Variants in FRMD4A observed in about 807,000 individuals in gnomAD.
The protein encoded by FRMD4A is FERM domain containing 4A, also known as FERM domain-containing protein 4A.
FRMD4A carries 29 observed loss-of-function variants against 129.1 expected under a neutral mutation model. The observed-to-expected ratio is 0.22, with a 90% CI of 0.17 to 0.31. FRMD4A has a LOEUF of 0.31. Among genes scored for constraint, FRMD4A ranks in the 10% least tolerant of loss-of-function variants. The pLI is 1.00. For missense variants in FRMD4A, 1,272 were observed against 1,375.8 expected (o/e 0.92, Z 1.19); for synonymous variants, 634 against 571.6 (o/e 1.11, Z -1.56).
At chr10:13,870,347 C>G (rs1046394526) in intron 2 of FRMD4A, among the ~76,000 whole-genome samples, 1 of 152,230 alleles carries the variant, frequency 6.6e-6, no homozygotes, top group Admixed American at 6.5e-5. Context: ...TTCAAATACT[C>G]TCCTTCCCAT....
chr10:13,865,460 T>TTTATTTTATG (rs2094354647), intron 2 of FRMD4A, among the ~76,000 whole-genome samples: 2 of 146,822 alleles, frequency 1.4e-5, no homozygotes, highest in Non-Finnish European at 3.0e-5. Flanking sequence ...TTTATTTTAT[T>TTTATTTTATG]TATTTTTATA....
chr10:14,191,798 T>TC (rs1842324702), intron 2 of FRMD4A, among the ~76,000 whole-genome samples: 1 of 112,264 alleles, frequency 8.9e-6, no homozygotes, highest in African/African-American at 2.8e-5. Flanking sequence ...CTGGCTGTTT[T>TC]TTTTTTTTCT....
chr10:14,130,095 T>A (rs1415963979), intron 2 of FRMD4A, among the ~76,000 whole-genome samples: 1 of 152,210 alleles, frequency 6.6e-6, no homozygotes, highest in Non-Finnish European at 1.5e-5. Flanking sequence ...CCCAGCCTCC[T>A]GAGTCCCTGG....
intron 2 of FRMD4A, among the ~76,000 whole-genome samples, chr10:14,113,103 C>T (rs569840349): frequency 6.6e-6 from 1 of 152,218 alleles, no homozygotes; most frequent in East Asian, 1.9e-4. Context: ...CTCAAAGAAT[C>T]CTGCCTGGTG....
At position 13,940,201 on chromosome 10, in the gene FRMD4A, C is replaced by T. The variant is rs970661297; in HGVS notation, c.46-81289G>A. 4.6e-5 allele frequency among the ~76,000 whole-genome samples: 7 copies of T among 152,124 alleles called. No individual in the cohort carries two copies. The South Asian group carries it at 1.5e-3, about 32-fold the overall frequency. ...CTTCCTTGGGGGTCTGACAATGCTT[C>T]ACTCAGAGCAGCGTCAACTGAGGCC... On this transcript the variant is annotated intron_variant, in intron 2 of 24. Coordinates refer to ENST00000357447, the MANE Select transcript of FRMD4A (RefSeq NM_018027.5).
chr10:14,093,368 T>C (rs1836764588), intron 2 of FRMD4A, among the ~76,000 whole-genome samples: 1 of 152,138 alleles, frequency 6.6e-6, no homozygotes, highest in South Asian at 2.1e-4. Context: ...TAATATAGGA[T>C]CCTAGGCTTT....
chr10:14,138,775 G>A (rs543490996), intron 2 of FRMD4A, among the ~76,000 whole-genome samples: 1 of 150,994 alleles, frequency 6.6e-6, no homozygotes, highest in South Asian at 2.1e-4. Flanking sequence ...AAGAAAAAAA[G>A]AAAAAAAGAA....
intron 2 of FRMD4A, among the ~76,000 whole-genome samples, chr10:13,922,869 A>C (rs1220105753): frequency 6.6e-6 from 1 of 152,192 alleles, no homozygotes; most frequent in Non-Finnish European, 1.5e-5. Flanking sequence ...TGACTTCTTC[A>C]GACTACAGTA....
intron 15 of FRMD4A, among the ~76,000 whole-genome samples, chr10:13,689,534 A>ACAG (rs1216829476): frequency 0.089 from 481 of 5,392 alleles, 3 homozygotes; most frequent in Admixed American, 0.15. Flanking sequence ...CTCTAGGAAC[A>ACAG]TAGATTAGAA....
chr10:14,201,476 G>T (rs1199691150), intron 2 of FRMD4A, among the ~76,000 whole-genome samples: 1 of 152,186 alleles, frequency 6.6e-6, no homozygotes, highest in African/African-American at 2.4e-5. Context: ...AACTTGGGGG[G>T]AAATAATACA....
chr10:13,947,401 G>A (rs147331603), intron 2 of FRMD4A, among the ~76,000 whole-genome samples: 1 of 151,930 alleles, frequency 6.6e-6, no homozygotes, highest in Non-Finnish European at 1.5e-5. Flanking sequence ...TTAAACAAGG[G>A]GAGCTTGTTG....
At chr10:13,890,862 G>C in intron 2 of FRMD4A, 1 of 985,048 alleles carries the variant, frequency 1.0e-6, no homozygotes. Flanking sequence ...GCTATTATTA[G>C]CACAGCCATC....
intron 3 of FRMD4A, among the ~76,000 whole-genome samples, chr10:13,838,782 C>T (rs952058907): frequency 1.3e-5 from 2 of 152,072 alleles, no homozygotes; most frequent in African/African-American, 2.4e-5. Context: ...CGTGAGCCAC[C>T]GCGCCTGCCT....
intron 22 of FRMD4A, 120 bp downstream of exon 22, chr10:13,656,516 T>G: frequency 8.5e-7 from 1 of 1,172,104 alleles, no homozygotes; most frequent in Non-Finnish European, 1.1e-6. Flanking sequence ...CAGAATTAAT[T>G]AATGATTCCC....
At chr10:14,220,303 C>T (rs1490716692) in intron 2 of FRMD4A, among the ~76,000 whole-genome samples, 1 of 152,236 alleles carries the variant, frequency 6.6e-6, no homozygotes, top group Non-Finnish European at 1.5e-5. Context: ...CTTCGGGAAA[C>T]AGCTCTGGCT....
intron 3 of FRMD4A, among the ~76,000 whole-genome samples, chr10:13,848,623 T>TGTGTGTGC (rs1388568246): frequency 2.3e-5 from 3 of 127,912 alleles, no homozygotes; most frequent in African/African-American, 5.5e-5. Flanking sequence ...TGTGTGTGTG[T>TGTGTGTGC]GTGTGTGTGT....
At chr10:13,773,169 T>G (rs1188303453) in intron 6 of FRMD4A, among the ~76,000 whole-genome samples, 3 of 152,146 alleles carry the variant, frequency 2.0e-5, no homozygotes, top group Admixed American at 6.5e-5. Context: ...GCACACACAC[T>G]CGACACTCCT....
chr10:14,132,073 G>T (rs1332603389), intron 2 of FRMD4A, among the ~76,000 whole-genome samples: 3 of 152,142 alleles, frequency 2.0e-5, no homozygotes, highest in Non-Finnish European at 4.4e-5. Flanking sequence ...ATTACTGGAG[G>T]TCAGGAGATC....
intron 2 of FRMD4A, among the ~76,000 whole-genome samples, chr10:13,966,243 G>A (rs1432050884): frequency 2.0e-5 from 3 of 152,030 alleles, no homozygotes; most frequent in African/African-American, 4.8e-5. Flanking sequence ...AGCTGGTCTC[G>A]AACTCCTGAC....
Sources: gnomAD v4.1 joint callset for allele counts (sites outside exome capture counted in the v4.1 genomes callset) on GRCh38, gnomAD v4.1.1 for gene constraint, MANE v1.5 for transcripts, NCBI Gene and HGNC (gene_info 2026-07-23, HGNC 2026-07-21) for gene names.